CALN1: variants seen among roughly 807,000 people sequenced by gnomAD.
The protein encoded by CALN1 is calneuron 1.
CALN1 carries 17 observed loss-of-function variants against 30.6 expected under a neutral mutation model. The observed-to-expected ratio is 0.56, with a 90% CI of 0.38 to 0.83. The LOEUF (loss-of-function observed/expected upper bound fraction) is 0.83, where lower values mean the gene tolerates loss of function less well. Ranked by LOEUF, CALN1 falls within the 40% of genes least tolerant of loss-of-function variation. The pLI is 0.00. For synonymous variants in CALN1, 156 were observed against 131.4 expected, an observed-to-expected ratio of 1.19 and a Z score of -1.28; for missense variants, 291 against 354.9, an observed-to-expected ratio of 0.82 and a Z score of 1.45.
intron 3 of CALN1, among the ~76,000 whole-genome samples, chr7:72,150,889 T>C (rs1787187860): frequency 6.6e-6 from 1 of 151,802 alleles, no homozygotes; most frequent in Non-Finnish European, 1.5e-5. Flanking sequence ...ATGATGATGA[T>C]GATGATGATG....
intron 2 of CALN1, among the ~76,000 whole-genome samples, chr7:72,348,278 C>T (rs1392774964): frequency 2.0e-5 from 3 of 152,154 alleles, no homozygotes; most frequent in Non-Finnish European, 4.4e-5. Context: ...CTGTGATCCA[C>T]GTGAGAAGAG....
Position 72,294,624 on chromosome 7 carries a change from C to T in CALN1, c.120-15814G>A, listed in dbSNP as rs145863257. The stretch of plus-strand genomic sequence containing the variant: ...AATAGCCTAGCGTGGTGGTGCGCAC[C>T]TGTAGTCTCAGCTACTTCGGAGACT... On this transcript the variant is annotated intron_variant, in intron 2 of 6. Coordinates refer to ENST00000395275, the MANE Select transcript of CALN1 (RefSeq NM_031468.4). 1.4e-4 allele frequency among the ~76,000 whole-genome samples: 22 copies of T among 151,976 alleles called. No individual in the cohort carries two copies. The East Asian group carries it at 4.3e-3, about 29-fold the overall frequency.
At chr7:72,381,583 A>G (rs1237773768) in intron 2 of CALN1, among the ~76,000 whole-genome samples, 1 of 152,250 alleles carries the variant, frequency 6.6e-6, no homozygotes, top group Non-Finnish European at 1.5e-5. Context: ...CATCATTTTC[A>G]GCAAACTAAC....
At chr7:71,869,165 C>G (rs1022777600) in intron 5 of CALN1, among the ~76,000 whole-genome samples, 2 of 152,000 alleles carry the variant, frequency 1.3e-5, no homozygotes, top group Admixed American at 1.3e-4. Flanking sequence ...TGCTAGAGAT[C>G]TGTATAGCAG....
chr7:72,237,183 C>CA (rs2129551034), intron 3 of CALN1, among the ~76,000 whole-genome samples: 1 of 152,166 alleles, frequency 6.6e-6, no homozygotes, highest in East Asian at 1.9e-4. Flanking sequence ...GGCGTTTCAC[C>CA]AAGTTAGCCA....
rs574156016 is a variant in CALN1 at position 71,951,711 on chromosome 7, T to C, written c.501+71946A>G. Among the ~76,000 whole-genome samples the C allele has an allele frequency of 3.0e-4, 46 of 152,298 alleles. No homozygotes were observed. The South Asian group carries it at 9.5e-3, about 32-fold the overall frequency. On this transcript the variant is annotated intron_variant, in intron 5 of 6. Transcript: ENST00000395275. The stretch of plus-strand genomic sequence containing the variant: ...TGGTCTGCTATAGCATCTCTAAATA[T>C]ACTTTTTGGATTGGCAGATGTCACA...
In CALN1 at chr7:72,400,827, T is replaced by C. The variant is rs117774919; in HGVS notation, c.119+2424A>G. Among the ~76,000 whole-genome samples the C allele has an allele frequency of 7.4e-3, 1,124 of 152,286 alleles. 5 individuals carry two copies. Among genetic ancestry groups the C allele is most frequent in the Admixed American group, 0.014 (212 of 15,300 alleles). ...CTCCCATGGATATCTCCCTAACATG[T>C]TTCCCTTTTTACTTCTGATAACTCT... On this transcript the variant is annotated intron_variant, in intron 2 of 6. Transcript: ENST00000395275.
Position 72,330,393 on chromosome 7 carries a change from A to G in CALN1, c.120-51583T>C, listed in dbSNP as rs1375288609. ...TGAGGCAGAAGAATCACTTGAATCC[A>G]GTAAGCAGAGGCTGCAGGGAGCCAA... On this transcript the variant is annotated intron_variant, in intron 2 of 6. Transcript: ENST00000395275. 2.0e-5 allele frequency among the ~76,000 whole-genome samples: 3 copies of G among 150,298 alleles called. No individual in the cohort carries two copies. The South Asian group carries it at 6.3e-4, about 32-fold the overall frequency.
intron 5 of CALN1, among the ~76,000 whole-genome samples, chr7:72,021,202 G>A (rs1228146761): frequency 6.6e-6 from 1 of 152,102 alleles, no homozygotes; most frequent in Non-Finnish European, 1.5e-5. Flanking sequence ...TTGAGTCCAG[G>A]AGTTCAAGGC....
intron 5 of CALN1, among the ~76,000 whole-genome samples, chr7:71,894,740 G>A (rs915965126): frequency 1.3e-5 from 2 of 152,100 alleles, no homozygotes; most frequent in Non-Finnish European, 2.9e-5. Context: ...TATTTATTTT[G>A]CTTTCTGAGA....
In CALN1 at chr7:72,041,899, C is replaced by T. The variant is rs182703449; in HGVS notation, c.389-18130G>A. Among the ~76,000 whole-genome samples, 41 of 152,302 alleles carry T rather than the reference C, an allele frequency of 2.7e-4. No individual in the cohort carries two copies. The East Asian group carries it at 3.9e-3, about 14-fold the overall frequency. On this transcript the variant is annotated intron_variant, in intron 4 of 6. Transcript: ENST00000395275. ...CATGTAAGACGTGGCTTTGCTCCTC[C>T]TTGCCTTCTGCCGTGATTGTGAGGC...
chr7:72,288,481 A>G (rs1210309689), intron 2 of CALN1, among the ~76,000 whole-genome samples: 1 of 152,166 alleles, frequency 6.6e-6, no homozygotes. Context: ...GCCAACACTT[A>G]GGGGGAAAGG....
intron 5 of CALN1, among the ~76,000 whole-genome samples, chr7:71,875,619 C>T (rs1471274883): frequency 6.6e-6 from 1 of 152,122 alleles, no homozygotes; most frequent in Non-Finnish European, 1.5e-5. Context: ...GAATAACATG[C>T]CCCAGATCCT....
At chr7:71,901,426 CAAA>C (rs35289312) in intron 5 of CALN1, among the ~76,000 whole-genome samples, 6,926 of 132,650 alleles carry the variant, frequency 0.052, 598 homozygotes, top group East Asian at 0.4. Flanking sequence ...CATATGGAAC[CAAA>C]AAAAAAAAAA....
chr7:72,328,081 T>C (rs527919796), intron 2 of CALN1, among the ~76,000 whole-genome samples: 3 of 152,156 alleles, frequency 2.0e-5, no homozygotes, highest in East Asian at 3.9e-4. Context: ...CCAAGTTCTA[T>C]GTAACATTTC....
chr7:72,134,955 A>C (rs1464613555), intron 3 of CALN1, among the ~76,000 whole-genome samples: 2 of 152,208 alleles, frequency 1.3e-5, no homozygotes, highest in Non-Finnish European at 2.9e-5. Context: ...CCATTTCAAC[A>C]ATGTTTACAA....
rs10562818 is a variant in CALN1 at position 72,324,559 on chromosome 7, AATTTATTTATTTATTTATTT to A, written c.120-45769_120-45750del. ...CTTTTTCCCTCCTTTTAAATGATGTAATTTATTTATTTATTTATTTATTTATTTATTTATTTATTTAGAGA... is the reference window on the plus strand; with the variant it reads ...CTTTTTCCCTCCTTTTAAATGATGTAATTTATTTATTTATTTATTTAGAGA... On this transcript the variant is annotated intron_variant, in intron 2 of 6. Transcript: ENST00000395275. Among the ~76,000 whole-genome samples, 198 of 129,976 alleles carry A rather than the reference AATTTATTTATTTATTTATTT, an allele frequency of 1.5e-3. 1 individual carries two copies. Among genetic ancestry groups the A allele is most frequent in the Admixed American group, 2.8e-3 (36 of 12,982 alleles). The allele number at this position is 129,976 out of a possible 152,430, so 85.3% of individuals were successfully genotyped here.
chr7:72,133,807 A>G (rs1809324196), intron 3 of CALN1, among the ~76,000 whole-genome samples: 1 of 152,218 alleles, frequency 6.6e-6, no homozygotes, highest in South Asian at 2.1e-4. Context: ...TATTTCTGCA[A>G]AAGCTGTATA....
intron 4 of CALN1, among the ~76,000 whole-genome samples, chr7:72,092,879 G>A (rs1805968041): frequency 6.6e-6 from 1 of 152,156 alleles, no homozygotes; most frequent in Admixed American, 6.6e-5. Context: ...CATGGAAGGA[G>A]AGACGGGCTG....
Sources: gnomAD v4.1 joint callset for allele counts (sites outside exome capture counted in the v4.1 genomes callset) on GRCh38, gnomAD v4.1.1 for gene constraint, MANE v1.5 for transcripts, NCBI Gene and HGNC (gene_info 2026-07-23, HGNC 2026-07-21) for gene names.